ERP29: variants seen among roughly 807,000 people sequenced by gnomAD.
ERP29 encodes endoplasmic reticulum resident protein 29.
ERP29 carries 14 observed loss-of-function variants against 21.7 expected under a neutral mutation model. The observed-to-expected ratio is 0.64, with a 90% confidence interval of 0.43 to 1.01. The LOEUF is 1.01. ERP29 is among the 50% of genes least tolerant of loss of function. The pLI is 0.00. For synonymous variants in ERP29, 129 were observed against 139.1 expected (o/e 0.93, Z 0.51); for missense variants, 286 against 327.3 (o/e 0.87, Z 0.97).
rs2077962392 is a variant in ERP29, at chr12:112,013,696, G to A, written c.144+87G>A. The A allele has an allele frequency of 3.9e-5, 54 of 1,388,800 alleles. No homozygotes were observed. The South Asian group carries it at 7.7e-4, about 20-fold the overall frequency. 86.0% of individuals were successfully genotyped at this position (1,388,800 alleles called of 1,614,324 possible). On this transcript the variant is annotated intron_variant, in intron 1 of 2. Coordinates refer to ENST00000261735, the MANE Select transcript of ERP29 (RefSeq NM_006817.4). ...CGTGGGGAGACGCTGGATTCCGGGA[G>A]CTGACGGGAGGTGGTCTGTAGCAAC...
Position 112,022,361 on chromosome 12 carries a change from C to T in ERP29, c.495C>T (p.Ala165=), listed in dbSNP as rs140081978. ...PGCLPVYDAL[A]GEFIRASGVE... Reference sequence around the variant, plus strand: ...GCCTGCCTGTATACGACGCCCTGGCCGGGGAGTTCATCAGGGCCTCTGGTG... The same window carrying T: ...GCCTGCCTGTATACGACGCCCTGGCTGGGGAGTTCATCAGGGCCTCTGGTG... The change falls in exon 3 of 3, where the codon GCC becomes GCT. Residue 165 remains alanine, a synonymous_variant. Transcript: ENST00000261735. 360 of 1,614,112 alleles carry T rather than the reference C, an allele frequency of 2.2e-4. No homozygotes were observed. The African/African-American group carries it at 3.6e-3, about 16-fold the overall frequency.
In ERP29 at chr12:112,022,131, G is replaced by A. The variant is rs1360130678; in HGVS notation, c.284-19G>A. On this transcript the variant is annotated intron_variant, in intron 2 of 2. Coordinates refer to ENST00000261735, the MANE Select transcript of ERP29 (RefSeq NM_006817.4). ...AGTTCCTTATGGTCTTGCTTTTTGT[G>A]TCTGGTTTCTGCTCACAGATTATGG... 3 of 1,611,996 alleles carry A rather than the reference G, an allele frequency of 1.9e-6. No homozygotes were observed. Among genetic ancestry groups the A allele is most frequent in the African/African-American group, 2.7e-5 (2 of 74,752 alleles).
chr12:112,020,584 C>T (rs542288100), intron 2 of ERP29, among the ~76,000 whole-genome samples: 3 of 152,178 alleles, frequency 2.0e-5, no homozygotes, highest in Non-Finnish European at 4.4e-5. Flanking sequence ...ACTTATTTCA[C>T]TTCCCTCCCA....
At chr12:112,014,721 C>G (rs962036497) in intron 1 of ERP29, 2 of 152,254 alleles carry the variant, frequency 1.3e-5, no homozygotes, top group Non-Finnish European at 1.5e-5. Flanking sequence ...AGGAGATGGG[C>G]AAGCTTAGTG....
At position 112,019,788 on chromosome 12, in the gene ERP29, G is replaced by T. The variant is rs1461097844; in HGVS notation, c.177G>T (p.Lys59Asn). Residue 59 changes from lysine to asparagine, a missense_variant, in exon 2 of 3, where the codon AAG (lysine) becomes AAT (asparagine). Physicochemically the swap from Lys to Asn is moderately conservative, Grantham distance 94. Coordinates refer to ENST00000261735, the MANE Select transcript of ERP29 (RefSeq NM_006817.4). ...CCAAAAGCAAGTTCGTCTTGGTGAAGTTCGACACCCAGTACCCCTACGGTG... is the reference window on the plus strand; with the variant it reads ...CCAAAAGCAAGTTCGTCTTGGTGAATTTCGACACCCAGTACCCCTACGGTG... ...VIPKSKFVLVKFDTQYPYGEK... is the reference protein window; with the variant it reads ...VIPKSKFVLVNFDTQYPYGEK... 6.2e-7 allele frequency: 1 copy of T among 1,614,070 alleles called. No homozygotes were observed. Among genetic ancestry groups the T allele is most frequent in the Non-Finnish European group, 8.5e-7 (1 of 1,180,020 alleles).
chr12:112,020,151 C>T (rs1417876405), intron 2 of ERP29, among the ~76,000 whole-genome samples: 1 of 152,146 alleles, frequency 6.6e-6, no homozygotes, highest in Non-Finnish European at 1.5e-5. Context: ...ACATTCCACC[C>T]CTCTCTGACA....
chr12:112,020,752 C>T (rs1479268599), intron 2 of ERP29, among the ~76,000 whole-genome samples: 1 of 152,210 alleles, frequency 6.6e-6, no homozygotes, highest in African/African-American at 2.4e-5. Flanking sequence ...TAATAGTTAA[C>T]ATTTATCAGA....
intron 1 of ERP29, among the ~76,000 whole-genome samples, chr12:112,014,040 C>T (rs1272701416): frequency 6.6e-6 from 1 of 152,252 alleles, no homozygotes; most frequent in Non-Finnish European, 1.5e-5. Flanking sequence ...GCGCGTTAGC[C>T]TGCGTGTCCG....
intron 1 of ERP29, among the ~76,000 whole-genome samples, chr12:112,018,388 T>G (rs1247267800): frequency 6.6e-6 from 1 of 152,080 alleles, no homozygotes; most frequent in Non-Finnish European, 1.5e-5. Context: ...TCCTCCCACT[T>G]CAGCCCCGCA....
chr12:112,021,993 G>A (rs1471710847), intron 2 of ERP29, among the ~76,000 whole-genome samples, 157 bp from the exon 3 acceptor site: 4 of 152,198 alleles, frequency 2.6e-5, no homozygotes, highest in South Asian at 2.1e-4. Flanking sequence ...AGTGGCAGAG[G>A]AGGAATTCAA....
At chr12:112,016,896 A>G (rs528121036) in intron 1 of ERP29, among the ~76,000 whole-genome samples, 2 of 152,304 alleles carry the variant, frequency 1.3e-5, no homozygotes, top group Admixed American at 1.3e-4. Flanking sequence ...CCTCAAAAAA[A>G]AAATAAAAAA....
chr12:112,014,470 A>T (rs2077984783), intron 1 of ERP29: 1 of 152,250 alleles, frequency 6.6e-6, no homozygotes. Context: ...TTGGTGCCAA[A>T]AAGGTTGGGG....
At chr12:112,021,120 G>A (rs1298568676) in intron 2 of ERP29, among the ~76,000 whole-genome samples, 1 of 152,174 alleles carries the variant, frequency 6.6e-6, no homozygotes, top group Non-Finnish European at 1.5e-5. Flanking sequence ...CAAGTATCAC[G>A]CACATATTCC....
chr12:112,022,403 C>T lies in ERP29; in HGVS notation c.537C>T (p.Ala179=). Reference sequence around the variant, plus strand: ...CCTCTGGTGTGGAGGCCCGCCAGGCCCTCTTGAAGCAGGGGCAAGATAACC... The same window carrying T: ...CCTCTGGTGTGGAGGCCCGCCAGGCTCTCTTGAAGCAGGGGCAAGATAACC... ...IRASGVEARQ[A]LLKQGQDNLS... The change falls in exon 3 of 3, where the codon GCC becomes GCT. Residue 179 remains alanine, a synonymous_variant. Transcript: ENST00000261735. 1 of 1,614,134 alleles carries T rather than the reference C, an allele frequency of 6.2e-7. No individual in the cohort carries two copies. The highest frequency in any genetic ancestry group is 8.5e-7 in the Non-Finnish European group (1 of 1,180,022).
At position 112,013,606 on chromosome 12, in the gene ERP29, C is replaced by T. The variant is rs142816051; in HGVS notation, c.141C>T (p.Tyr47=). 4 of 1,583,102 alleles carry T rather than the reference C, an allele frequency of 2.5e-6. No individual in the cohort carries two copies. In the African/African-American group the frequency reaches 5.5e-5, roughly 22 times the overall value. Residue 47 remains tyrosine (Y), a synonymous_variant, in exon 1 of 3, where the codon TAC becomes TAT. Transcript: ENST00000261735. The part of the protein sequence containing the change: ...GALPLDTVTF[Y]KVIPKSKFVL... The stretch of plus-strand genomic sequence containing the variant: ...TTCCCCTGGATACGGTCACTTTCTA[C>T]AAGGTAACCGGGGCGGGGGACGTCG...
chr12:112,020,343 A>G (rs1340787864), intron 2 of ERP29, among the ~76,000 whole-genome samples: 1 of 152,180 alleles, frequency 6.6e-6, no homozygotes, highest in Non-Finnish European at 1.5e-5. Context: ...GCACCTCCCA[A>G]CCACAGCGAC....
chr12:112,016,657 G>A (rs924544711), intron 1 of ERP29, among the ~76,000 whole-genome samples: 8 of 152,188 alleles, frequency 5.3e-5, no homozygotes, highest in Non-Finnish European at 7.3e-5. Context: ...TCGGGAGGCC[G>A]AGGCAGGTGG....
intron 1 of ERP29, among the ~76,000 whole-genome samples, chr12:112,014,199 G>A (rs1306138859): frequency 6.6e-6 from 1 of 152,254 alleles, no homozygotes; most frequent in Non-Finnish European, 1.5e-5. Context: ...CAGGCCCGTC[G>A]GTGGCCTGTT....
In ERP29 at chr12:112,022,698, G is replaced by A. The variant is rs1244799893; in HGVS notation, c.*46G>A. On this transcript the variant is annotated 3_prime_UTR_variant, in exon 3 of 3. Transcript: ENST00000261735. ...CAGGGTTTGGTGGGGGTAGGGAGGG[G>A]AGAGTTAACCTGCTGGCTGTGAGTC... The A allele has an allele frequency of 1.9e-6, 3 of 1,552,330 alleles. No homozygotes were observed. In the African/African-American group the frequency reaches 4.1e-5, roughly 21 times the overall value.
Sources: gnomAD v4.1 joint callset for allele counts (sites outside exome capture counted in the v4.1 genomes callset) on GRCh38, gnomAD v4.1.1 for gene constraint, MANE v1.5 for transcripts, NCBI Gene and HGNC (gene_info 2026-07-23, HGNC 2026-07-21) for gene names.